TBC1D12: variants seen among roughly 807,000 people sequenced by gnomAD.
The protein encoded by TBC1D12 is TBC1 domain family, member 12.
In TBC1D12, 56 loss-of-function variants were observed where a neutral mutation model predicts 86.7. The ratio of observed to expected loss-of-function variants is 0.65; its 90% confidence interval spans 0.52 to 0.81. The LOEUF is 0.81. TBC1D12 is among the 30% of genes least tolerant of loss of function. TBC1D12 has a pLI of 0.00. For missense variants in TBC1D12, 1,023 were observed against 1,038.8 expected (o/e 0.98, Z 0.21); for synonymous variants, 421 against 411.7 (o/e 1.02, Z -0.27).
intron 1 of TBC1D12, among the ~76,000 whole-genome samples, chr10:94,426,299 A>T (rs1396213685): frequency 6.6e-6 from 1 of 152,150 alleles, no homozygotes; most frequent in African/African-American, 2.4e-5. Flanking sequence ...TAGGGTTTTT[A>T]AAATTATTTT....
At chr10:94,464,662 C>T (rs984550717) in intron 2 of TBC1D12, among the ~76,000 whole-genome samples, 4 of 152,008 alleles carry the variant, frequency 2.6e-5, no homozygotes, top group African/African-American at 9.7e-5. Flanking sequence ...GAGACGGGGT[C>T]CCTTTGGATT....
intron 5 of TBC1D12, 102 bp from the exon 6 acceptor site, chr10:94,500,119 T>A: frequency 1.9e-6 from 2 of 1,030,530 alleles, no homozygotes; most frequent in Admixed American, 5.4e-5. Flanking sequence ...GTCCTAAAAA[T>A]GATTTGATCA....
At chr10:94,435,414 A>G (rs1192477989) in intron 1 of TBC1D12, among the ~76,000 whole-genome samples, 2 of 152,350 alleles carry the variant, frequency 1.3e-5, no homozygotes, top group East Asian at 3.8e-4. Context: ...TGGTCAATAC[A>G]TTACAAATGT....
intron 9 of TBC1D12, among the ~76,000 whole-genome samples, chr10:94,514,907 CTTTT>C (rs1168629833): frequency 7.9e-6 from 1 of 127,332 alleles, no homozygotes; most frequent in Non-Finnish European, 1.7e-5. Context: ...TTTTTTTTTT[CTTTT>C]TTTTTTTTTT....
intron 6 of TBC1D12, among the ~76,000 whole-genome samples, chr10:94,502,044 A>G (rs2056404827): frequency 6.6e-6 from 1 of 151,834 alleles, no homozygotes; most frequent in Non-Finnish European, 1.5e-5. Context: ...TAATAAATAA[A>G]TAATTTGGCC....
chr10:94,531,241 G>A lies in TBC1D12; in HGVS notation c.2040G>A (p.Leu680=). ...TLYSKSLPLD[L]ACRVWDVFCR... ...ATAGCAAATCACTACCACTTGATCT[G>A]GCCTGTCGAGTCTGGGATGTATTTT... Residue 680 remains leucine, a synonymous_variant, in exon 12 of 13, where the codon CTG becomes CTA. Transcript: ENST00000225235. 6.2e-7 allele frequency: 1 copy of A among 1,613,786 alleles called. No individual in the cohort carries two copies. Among genetic ancestry groups the A allele is most frequent in the African/African-American group, 1.3e-5 (1 of 74,978 alleles).
chr10:94,453,316 G>GGA (rs2055579864), intron 2 of TBC1D12, among the ~76,000 whole-genome samples: 1 of 151,608 alleles, frequency 6.6e-6, no homozygotes, highest in Admixed American at 6.6e-5. Flanking sequence ...CCACAGTTTT[G>GGA]GTTATCCATG....
At position 94,510,218 on chromosome 10, in the gene TBC1D12, AT is replaced by A. The variant is rs770803420; in HGVS notation, c.1689+40del. The stretch of plus-strand genomic sequence containing the variant: ...ACCAGCTTGTAATTACTTAAAAAAA[AT>A]CTATCAATATCCAAGGCAACAGATT... On this transcript the variant is annotated intron_variant, in intron 8 of 12. Coordinates refer to ENST00000225235, the MANE Select transcript of TBC1D12 (RefSeq NM_015188.2). 4.3e-6 allele frequency: 6 copies of A among 1,390,022 alleles called. No homozygotes were observed. In the South Asian group the frequency reaches 5.4e-5, roughly 13 times the overall value. 86.1% of individuals were successfully genotyped at this position (1,390,022 alleles called of 1,614,324 possible).
intron 1 of TBC1D12, among the ~76,000 whole-genome samples, chr10:94,425,941 A>T (rs1363727520): frequency 6.6e-6 from 1 of 152,136 alleles, no homozygotes; most frequent in African/African-American, 2.4e-5. Context: ...TATAAATGAT[A>T]CTTCTTAAAA....
At chr10:94,448,861 AGTGAATAACTACACTT>A (rs1251799005) in intron 2 of TBC1D12, among the ~76,000 whole-genome samples, 1 of 152,232 alleles carries the variant, frequency 6.6e-6, no homozygotes, top group Non-Finnish European at 1.5e-5. Flanking sequence ...TTGAAAAGGT[AGTGAATAACTACACTT>A]CTAGTTGCGT....
intron 3 of TBC1D12, among the ~76,000 whole-genome samples, chr10:94,491,756 G>A (rs1391578307): frequency 1.3e-5 from 2 of 152,106 alleles, no homozygotes; most frequent in African/African-American, 2.4e-5. Context: ...TTGTCAGATC[G>A]ACTGTTGGTG....
chr10:94,424,397 G>A (rs184731820), intron 1 of TBC1D12, among the ~76,000 whole-genome samples: 1 of 152,282 alleles, frequency 6.6e-6, no homozygotes, highest in East Asian at 1.9e-4. Context: ...ACTTGGTAGT[G>A]TTTTCTAGTT....
In TBC1D12 at chr10:94,510,157, C is replaced by T. The variant is rs1241341068; in HGVS notation, c.1667C>T (p.Pro556Leu). The change falls in exon 8 of 13, where the codon CCA becomes CTA. Residue 556 changes from proline (P) to leucine (L), a missense_variant. Physicochemically the swap from Pro to Leu is moderately conservative, Grantham distance 98 (BLOSUM62 -3). Around this residue, in one of 2 missense-constraint regions of TBC1D12, gnomAD observed 395 missense variants for 507.7 expected, o/e 0.78. Coordinates refer to ENST00000225235, the MANE Select transcript of TBC1D12 (RefSeq NM_015188.2). Reference sequence around the variant, plus strand: ...AAGTTGGACATATCCCGTACATTTCCATCTCTCTACATCTTTCAGAAGGTG... The same window carrying T: ...AAGTTGGACATATCCCGTACATTTCTATCTCTCTACATCTTTCAGAAGGTG... ...LIKLDISRTF[P>L]SLYIFQKGGP... 2 of 1,593,754 alleles carry T rather than the reference C, an allele frequency of 1.3e-6. No individual in the cohort carries two copies. The highest frequency in any genetic ancestry group is 1.7e-6 in the Non-Finnish European group (2 of 1,174,718).
chr10:94,444,985 G>T (rs2055438769), intron 2 of TBC1D12, among the ~76,000 whole-genome samples: 1 of 130,406 alleles, frequency 7.7e-6, no homozygotes. Context: ...GCCCGCCTCA[G>T]CCTCCCAAAG....
intron 2 of TBC1D12, among the ~76,000 whole-genome samples, chr10:94,461,381 AG>A (rs1427392838): frequency 1.3e-5 from 2 of 152,010 alleles, no homozygotes; most frequent in South Asian, 2.1e-4. Context: ...TCCCCTAGTT[AG>A]GTTAGAGCAG....
intron 2 of TBC1D12, among the ~76,000 whole-genome samples, chr10:94,451,619 G>C (rs1192330577): frequency 6.6e-6 from 1 of 152,066 alleles, no homozygotes; most frequent in Admixed American, 6.6e-5. Flanking sequence ...AGTAAGTAAA[G>C]CTGTTTCATA....
intron 9 of TBC1D12, among the ~76,000 whole-genome samples, 189 bp downstream of exon 9, chr10:94,511,843 G>T (rs1564985387): frequency 6.6e-6 from 1 of 152,162 alleles, no homozygotes; most frequent in Non-Finnish European, 1.5e-5. Flanking sequence ...GAGGCTGCCA[G>T]CTTTCTGGGG....
rs187149104 is a variant in TBC1D12, at chr10:94,417,035, T to G, written c.971+13451T>G. Reference sequence around the variant, plus strand: ...ATTTGTCTGACAGAACTAAGTAATTTGAACTGATTCAGTGAGAGGTGGCAG... The same window carrying G: ...ATTTGTCTGACAGAACTAAGTAATTGGAACTGATTCAGTGAGAGGTGGCAG... On this transcript the variant is annotated intron_variant, in intron 1 of 12. Transcript: ENST00000225235. Among the ~76,000 whole-genome samples the G allele has an allele frequency of 4.1e-4, 63 of 152,276 alleles. 1 individual carries two copies. The highest frequency in any genetic ancestry group is 1.4e-3 in the African/African-American group (58 of 41,574).
At chr10:94,460,528 G>T (rs375338261) in intron 2 of TBC1D12, among the ~76,000 whole-genome samples, 23 of 145,416 alleles carry the variant, frequency 1.6e-4, no homozygotes, top group African/African-American at 3.3e-4. Flanking sequence ...AAGATTTTTT[G>T]ATTTTATTTT....
Sources: allele counts gnomAD v4.1 joint callset (sites outside exome capture counted in the v4.1 genomes callset), GRCh38; gene constraint gnomAD v4.1.1; regional missense constraint gnomAD v4.1.1; transcripts MANE v1.5; gene names NCBI Gene and HGNC (gene_info 2026-07-23, HGNC 2026-07-21).